DCLK1: variants seen among roughly 807,000 people sequenced by gnomAD.
DCLK1 encodes serine/threonine-protein kinase DCLK1.
Under a neutral mutation model 86.2 loss-of-function variants are expected in DCLK1, and 16 were observed. The observed-to-expected ratio is 0.19, with a 90% CI of 0.13 to 0.28. DCLK1 has a LOEUF of 0.28. DCLK1 is among the 10% of genes least tolerant of loss of function. DCLK1 has a pLI of 1.00. For synonymous variants in DCLK1, 369 were observed against 370.5 expected (o/e 1.00, Z 0.05); for missense variants, 590 against 940.2 (o/e 0.63, Z 4.87).
chr13:35,846,894 TGAAA>T (rs1186347967), intron 6 of DCLK1: 1 of 985,240 alleles, frequency 1.0e-6, no homozygotes, highest in Non-Finnish European at 1.2e-6. Flanking sequence ...TTTAGAGTTT[TGAAA>T]GAACATACAG....
At chr13:35,903,880 C>A (rs1466502299) in intron 4 of DCLK1, among the ~76,000 whole-genome samples, 1 of 152,116 alleles carries the variant, frequency 6.6e-6, no homozygotes, top group African/African-American at 2.4e-5. Flanking sequence ...CATTGATTGA[C>A]CTAACAATAT....
At chr13:35,899,681 T>C (rs565654431) in intron 4 of DCLK1, among the ~76,000 whole-genome samples, 16 of 152,306 alleles carry the variant, frequency 1.1e-4, no homozygotes, top group African/African-American at 3.4e-4. Context: ...CAGTGTTAAA[T>C]CTATCTTCAT....
intron 3 of DCLK1, among the ~76,000 whole-genome samples, chr13:36,092,680 G>C (rs963849329): frequency 6.6e-6 from 1 of 151,564 alleles, no homozygotes; most frequent in Admixed American, 6.6e-5. Context: ...TAGAGACAGG[G>C]TTTCACCGTT....
rs140772048 is a variant in DCLK1, at chr13:36,079,555, C to A, written c.723+32314G>T. Among the ~76,000 whole-genome samples the A allele has an allele frequency of 7.7e-3, 1,165 of 152,084 alleles. 17 individuals are homozygous for A. The highest frequency in any genetic ancestry group is 0.026 in the African/African-American group (1,084 of 41,492). On this transcript the variant is annotated intron_variant, in intron 3 of 16. Coordinates refer to ENST00000360631, the MANE Select transcript of DCLK1 (RefSeq NM_001330071.2). Reference sequence around the variant, plus strand: ...GCTGAGGCAGGAGAATTGCTTAAACCCGGGAGACGGAGGGTGCAGTGAGCC... The same window carrying A: ...GCTGAGGCAGGAGAATTGCTTAAACACGGGAGACGGAGGGTGCAGTGAGCC...
intron 11 of DCLK1, among the ~76,000 whole-genome samples, chr13:35,819,022 C>T (rs749966386): frequency 2.6e-5 from 4 of 152,008 alleles, no homozygotes; most frequent in Non-Finnish European, 4.4e-5. Context: ...GCTTGCCAGG[C>T]GGCTCTGTCC....
At chr13:35,871,417 T>C in intron 4 of DCLK1, 77 bp from the exon 5 acceptor site, 2 of 1,206,270 alleles carry the variant, frequency 1.7e-6, no homozygotes, top group East Asian at 2.4e-5. Context: ...ACAATAAACC[T>C]GGAAGTAGAA....
At chr13:36,088,960 A>G (rs572943324) in intron 3 of DCLK1, among the ~76,000 whole-genome samples, 11 of 152,338 alleles carry the variant, frequency 7.2e-5, no homozygotes, top group African/African-American at 2.6e-4. Flanking sequence ...TTTTCTGAAT[A>G]CTTTTTTAAA....
chr13:35,939,517 A>AC (rs1876965744), intron 4 of DCLK1, among the ~76,000 whole-genome samples: 1 of 152,020 alleles, frequency 6.6e-6, no homozygotes, highest in Non-Finnish European at 1.5e-5. Context: ...CGATCCTCCC[A>AC]CCTCAGCCTG....
intron 11 of DCLK1, among the ~76,000 whole-genome samples, chr13:35,814,061 G>A (rs557022307): frequency 1.3e-5 from 2 of 152,144 alleles, no homozygotes; most frequent in Non-Finnish European, 1.5e-5. Flanking sequence ...TCTCCAGTGG[G>A]AGAGCCCTTC....
chr13:36,100,494 A>G (rs1885179131), intron 3 of DCLK1, among the ~76,000 whole-genome samples: 1 of 152,090 alleles, frequency 6.6e-6, no homozygotes, highest in African/African-American at 2.4e-5. Flanking sequence ...CAGTAATTTT[A>G]CTCTTCCCAG....
At chr13:35,859,898 T>C (rs898118793) in intron 5 of DCLK1, among the ~76,000 whole-genome samples, 13 of 152,250 alleles carry the variant, frequency 8.5e-5, no homozygotes, top group Middle Eastern at 6.3e-3. Context: ...ACACTTCTTT[T>C]TGCAGTCGCG....
intron 15 of DCLK1, among the ~76,000 whole-genome samples, chr13:35,802,010 T>C (rs1418322189): frequency 6.6e-6 from 1 of 152,162 alleles, no homozygotes; most frequent in Non-Finnish European, 1.5e-5. Context: ...CTCTGGCACC[T>C]CCTTCTCTGG....
chr13:35,853,982 C>A (rs766819850), intron 6 of DCLK1, among the ~76,000 whole-genome samples: 1 of 152,108 alleles, frequency 6.6e-6, no homozygotes, highest in Non-Finnish European at 1.5e-5. Flanking sequence ...CAAGCTCAGC[C>A]AAATTCTCCA....
intron 3 of DCLK1, among the ~76,000 whole-genome samples, chr13:36,023,417 G>A (rs1881873858): frequency 6.6e-6 from 1 of 152,168 alleles, no homozygotes; most frequent in Non-Finnish European, 1.5e-5. Flanking sequence ...AGCCAACAGT[G>A]CAGATGAAGT....
At chr13:36,061,967 AT>A (rs1404122908) in intron 3 of DCLK1, among the ~76,000 whole-genome samples, 1 of 152,154 alleles carries the variant, frequency 6.6e-6, no homozygotes, top group Non-Finnish European at 1.5e-5. Flanking sequence ...CAGACTTTTC[AT>A]CTGTTAAGCA....
intron 15 of DCLK1, among the ~76,000 whole-genome samples, chr13:35,798,355 A>G (rs1019717399): frequency 6.6e-6 from 1 of 152,168 alleles, no homozygotes; most frequent in African/African-American, 2.4e-5. Context: ...TGAATCATGG[A>G]TCTGGTTTGC....
chr13:35,929,140 AGGATGG>A (rs1224111153), intron 4 of DCLK1, among the ~76,000 whole-genome samples: 1 of 152,198 alleles, frequency 6.6e-6, no homozygotes, highest in Non-Finnish European at 1.5e-5. Context: ...CATGTTAACC[AGGATGG>A]TCTTGATCTC....
chr13:35,932,162 C>A (rs1876479116), intron 4 of DCLK1, among the ~76,000 whole-genome samples: 1 of 152,184 alleles, frequency 6.6e-6, no homozygotes, highest in South Asian at 2.1e-4. Flanking sequence ...CTGAACAGAA[C>A]AAAAGGTAGA....
intron 3 of DCLK1, among the ~76,000 whole-genome samples, chr13:36,092,525 C>G (rs1450102563): frequency 1.6e-5 from 2 of 127,240 alleles, no homozygotes; most frequent in East Asian, 2.2e-4. Flanking sequence ...CTCACTCTGT[C>G]GCCCAGGCTG....
Sources: gnomAD v4.1 joint callset for allele counts (sites outside exome capture counted in the v4.1 genomes callset) on GRCh38, gnomAD v4.1.1 for gene constraint, MANE v1.5 for transcripts, NCBI Gene and HGNC (gene_info 2026-07-23, HGNC 2026-07-21) for gene names.